NKAIN2: variants seen among roughly 807,000 people sequenced by gnomAD.
The protein encoded by NKAIN2 is sodium/potassium transporting ATPase interacting 2, also known as sodium/potassium-transporting ATPase subunit beta-1-interacting protein 2.
A neutral mutation model predicts 32.6 loss-of-function variants in NKAIN2; 14 were observed. The observed-to-expected ratio is 0.43, with a 90% confidence interval of 0.28 to 0.67. The LOEUF is 0.67. Ranked by LOEUF, NKAIN2 falls within the 30% of genes least tolerant of loss-of-function variation. The pLI, the probability that NKAIN2 is intolerant of heterozygous loss-of-function variation, is 0.17. For missense variants in NKAIN2, 198 were observed against 258.3 expected (o/e 0.77, Z 1.60); for synonymous variants, 80 against 87.2 (o/e 0.92, Z 0.46).
chr6:124,639,424 G>A (rs1253883557), intron 3 of NKAIN2, among the ~76,000 whole-genome samples: 24 of 152,084 alleles, frequency 1.6e-4, no homozygotes, highest in Admixed American at 1.6e-3. Context: ...CAACGTGTGT[G>A]GGAGTTCCAG....
At chr6:123,991,845 C>T (rs1779426972) in intron 1 of NKAIN2, among the ~76,000 whole-genome samples, 1 of 151,838 alleles carries the variant, frequency 6.6e-6, no homozygotes, top group Non-Finnish European at 1.5e-5. Context: ...GCCTGGGCGA[C>T]ATAGCGAGAC....
intron 2 of NKAIN2, among the ~76,000 whole-genome samples, chr6:124,315,324 G>A (rs1265151978): frequency 6.6e-6 from 1 of 152,056 alleles, no homozygotes; most frequent in African/African-American, 2.4e-5. Context: ...TTTTCTAAAA[G>A]GATATTACAA....
chr6:124,436,835 C>G (rs749817352), intron 3 of NKAIN2, among the ~76,000 whole-genome samples: 2 of 152,120 alleles, frequency 1.3e-5, no homozygotes, highest in Non-Finnish European at 2.9e-5. Context: ...CTGCTAAACA[C>G]CCTCAATCAA....
chr6:124,513,285 G>A (rs900772358), intron 3 of NKAIN2, among the ~76,000 whole-genome samples: 1 of 152,022 alleles, frequency 6.6e-6, no homozygotes, highest in Non-Finnish European at 1.5e-5. Flanking sequence ...ATAAAATTAG[G>A]ACTCTTATTA....
Position 124,357,395 on chromosome 6 carries a change from A to G in NKAIN2, c.273+2048A>G, listed in dbSNP as rs553989447. 5.1e-4 allele frequency among the ~76,000 whole-genome samples: 77 copies of G among 152,284 alleles called. 1 individual carries two copies. The South Asian group carries it at 5.8e-3, about 11-fold the overall frequency. On this transcript the variant is annotated intron_variant, in intron 3 of 6. Coordinates refer to ENST00000368417, the MANE Select transcript of NKAIN2 (RefSeq NM_001040214.3). ...AACTGCCTCACATTCTTCAGGTAATACAGTGCCAGAAGGAAGCAATGGTAA... is the reference window on the plus strand; with the variant it reads ...AACTGCCTCACATTCTTCAGGTAATGCAGTGCCAGAAGGAAGCAATGGTAA...
intron 1 of NKAIN2, among the ~76,000 whole-genome samples, chr6:123,883,593 A>G (rs920188360): frequency 6.6e-6 from 1 of 151,514 alleles, no homozygotes; most frequent in South Asian, 2.1e-4. Context: ...GTCCCCAGTC[A>G]TGCTCCTTGT....
intron 1 of NKAIN2, among the ~76,000 whole-genome samples, chr6:123,882,699 T>C (rs1773506429): frequency 6.6e-6 from 1 of 152,208 alleles, no homozygotes; most frequent in Admixed American, 6.5e-5. Context: ...GTGTAAAGAT[T>C]TGATAACTGG....
intron 1 of NKAIN2, among the ~76,000 whole-genome samples, chr6:124,046,717 T>A (rs1434438070): frequency 6.6e-6 from 1 of 151,962 alleles, no homozygotes; most frequent in Non-Finnish European, 1.5e-5. Context: ...AGTTCTAGGG[T>A]CTTCTCCATC....
intron 1 of NKAIN2, among the ~76,000 whole-genome samples, chr6:124,227,686 A>G (rs1272077110): frequency 6.6e-6 from 1 of 152,166 alleles, no homozygotes; most frequent in Non-Finnish European, 1.5e-5. Context: ...TTGGATAGAC[A>G]GTTTCCCATG....
At chr6:124,039,183 A>G (rs951492462) in intron 1 of NKAIN2, among the ~76,000 whole-genome samples, 1 of 152,080 alleles carries the variant, frequency 6.6e-6, no homozygotes, top group South Asian at 2.1e-4. Context: ...ATTTTTAAAA[A>G]TAAGAAGAAG....
chr6:124,239,091 AAGC>A lies in NKAIN2; in HGVS notation c.55-43911_55-43909del, dbSNP rs1212636747. Among the ~76,000 whole-genome samples the A allele has an allele frequency of 2.0e-5, 3 of 152,318 alleles. No homozygotes were observed. In the South Asian group the frequency reaches 6.2e-4, roughly 32 times the overall value. Reference sequence around the variant, plus strand: ...ATATTTACCAAGCAAAAACAAAAAAAAGCAGGAGTTGCAATCCTAGTCTCTGAT... The same window carrying A: ...ATATTTACCAAGCAAAAACAAAAAAAAGGAGTTGCAATCCTAGTCTCTGAT... On this transcript the variant is annotated intron_variant, in intron 1 of 6. Coordinates refer to ENST00000368417, the MANE Select transcript of NKAIN2 (RefSeq NM_001040214.3).
At chr6:124,648,542 T>C (rs958272979) in intron 3 of NKAIN2, among the ~76,000 whole-genome samples, 5 of 151,560 alleles carry the variant, frequency 3.3e-5, no homozygotes, top group African/African-American at 1.2e-4. Context: ...AAACTGGGGG[T>C]TCAACATGCA....
intron 3 of NKAIN2, among the ~76,000 whole-genome samples, chr6:124,453,942 A>C (rs886520837): frequency 6.6e-6 from 1 of 152,136 alleles, no homozygotes; most frequent in Non-Finnish European, 1.5e-5. Context: ...TAAACTGAGA[A>C]CAGAATGACA....
chr6:124,110,834 G>C (rs2114969391), intron 1 of NKAIN2, among the ~76,000 whole-genome samples: 1 of 152,144 alleles, frequency 6.6e-6, no homozygotes, highest in Middle Eastern at 3.4e-3. Flanking sequence ...CTTTGCTATT[G>C]TGAATAGCGC....
chr6:123,879,810 C>T (rs1562235762), intron 1 of NKAIN2, among the ~76,000 whole-genome samples: 1 of 152,206 alleles, frequency 6.6e-6, no homozygotes, highest in Non-Finnish European at 1.5e-5. Flanking sequence ...GCCTATTTGT[C>T]CAACTTGTGA....
At chr6:124,684,479 A>G (rs566085748) in intron 4 of NKAIN2, among the ~76,000 whole-genome samples, 2 of 152,220 alleles carry the variant, frequency 1.3e-5, no homozygotes, top group Admixed American at 1.3e-4. Flanking sequence ...TTTGATGTCC[A>G]CTACCTTAGC....
At chr6:124,150,564 T>A (rs1404328320) in intron 1 of NKAIN2, among the ~76,000 whole-genome samples, 8 of 152,304 alleles carry the variant, frequency 5.3e-5, no homozygotes, top group Non-Finnish European at 1.0e-4. Flanking sequence ...TAATGATGAA[T>A]TACAATTTAT....
chr6:124,534,879 G>A (rs941533475), intron 3 of NKAIN2, among the ~76,000 whole-genome samples: 9 of 152,088 alleles, frequency 5.9e-5, no homozygotes, highest in Non-Finnish European at 1.3e-4. Flanking sequence ...GCATCTGTGG[G>A]AGATTGGTTC....
chr6:124,573,148 A>G (rs1781194543), intron 3 of NKAIN2, among the ~76,000 whole-genome samples: 1 of 152,122 alleles, frequency 6.6e-6, no homozygotes, highest in South Asian at 2.1e-4. Flanking sequence ...CCAAAAAGTT[A>G]TTTTTGAACT....
Sources: gnomAD v4.1 joint callset for allele counts (sites outside exome capture counted in the v4.1 genomes callset) on GRCh38, gnomAD v4.1.1 for gene constraint, MANE v1.5 for transcripts, NCBI Gene and HGNC (gene_info 2026-07-23, HGNC 2026-07-21) for gene names.